The following PLCH1 variants were observed in gnomAD, a reference collection of about 807,000 sequenced individuals.
PLCH1 encodes the protein phospholipase C eta 1.
In PLCH1, 60 loss-of-function variants were observed where a neutral mutation model predicts 126.7. The observed-to-expected ratio is 0.47, with a 90% CI of 0.38 to 0.59. PLCH1 has a LOEUF of 0.59. Ranked by LOEUF, PLCH1 falls within the 20% of genes least tolerant of loss-of-function variation. The probability of loss-of-function intolerance (pLI) is 0.00; values close to 1 mark genes in which losing one functional copy is unlikely to be tolerated. For missense variants in PLCH1, 1,723 were observed against 2,040.0 expected (o/e 0.84, Z 2.99); for synonymous variants, 719 against 734.9 (o/e 0.98, Z 0.35).
intron 2 of PLCH1, among the ~76,000 whole-genome samples, chr3:155,668,248 A>G (rs943335368): frequency 6.6e-6 from 1 of 152,138 alleles, no homozygotes; most frequent in Non-Finnish European, 1.5e-5. Context: ...CAAGCCTGCC[A>G]ATATTTGCTT....
intron 21 of PLCH1, among the ~76,000 whole-genome samples, chr3:155,465,313 C>T (rs1712886519): frequency 6.6e-6 from 1 of 151,896 alleles, no homozygotes; most frequent in African/African-American, 2.4e-5. Context: ...GCAGATGGTA[C>T]CACTCAGAGT....
intron 2 of PLCH1, among the ~76,000 whole-genome samples, chr3:155,632,369 T>C (rs1185665973): frequency 6.6e-6 from 1 of 152,208 alleles, no homozygotes; most frequent in Non-Finnish European, 1.5e-5. Context: ...ATCCAGAATT[T>C]GGAATTATTC....
At position 155,741,684 on chromosome 3, in the gene PLCH1, C is replaced by CTTTTATTTTTTTTTTTTT; in HGVS notation, c.-41+3155_-41+3156insAAAAAAAAAAAAATAAAA. 1.4e-3 allele frequency among the ~76,000 whole-genome samples: 139 copies of CTTTTATTTTTTTTTTTTT among 102,854 alleles called. 1 individual carries two copies. Among genetic ancestry groups the CTTTTATTTTTTTTTTTTT allele is most frequent in the African/African-American group, 5.4e-3 (112 of 20,896 alleles). The allele number at this position is 102,854 out of a possible 152,430, so 67.5% of individuals were successfully genotyped here. On this transcript the variant is annotated intron_variant, in intron 1 of 22. Transcript: ENST00000460012. ...TCCTTTTATCATAATTTTATATCCT[C>CTTTTATTTTTTTTTTTTT]TTTTTTTTTTTTTTTTTTTTGTTCA... is the stretch of plus-strand genomic sequence containing the variant.
chr3:155,484,701 T>A (rs779649882), intron 22 of PLCH1, among the ~76,000 whole-genome samples: 44 of 152,306 alleles, frequency 2.9e-4, no homozygotes, highest in Middle Eastern at 6.8e-3. Context: ...CGGTCTTCAC[T>A]CTTTATTGAG....
intron 2 of PLCH1, among the ~76,000 whole-genome samples, chr3:155,680,817 T>C (rs1577311200): frequency 6.6e-6 from 1 of 152,210 alleles, no homozygotes; most frequent in Admixed American, 6.5e-5. Flanking sequence ...AACTGTCTAA[T>C]TGTCTACCAA....
At chr3:155,468,267 TA>T (rs1274916800) in intron 21 of PLCH1, among the ~76,000 whole-genome samples, 3 of 151,688 alleles carry the variant, frequency 2.0e-5, no homozygotes, top group Admixed American at 6.6e-5. Context: ...CACAAAAAAA[TA>T]AAAAGCAAGA....
rs544376801 is a variant in PLCH1 at position 155,547,915 on chromosome 3, G to A, written c.1362+1872C>T. ...GGGGTGGGGGGAGGGGGGAGGGATA[G>A]CTTTAGGAGATATACCTAATGCTAA... On this transcript the variant is annotated intron_variant, in intron 10 of 22. Transcript: ENST00000460012. Among the ~76,000 whole-genome samples the A allele has an allele frequency of 3.6e-3, 532 of 148,918 alleles. 4 individuals are homozygous for A. The highest frequency in any genetic ancestry group is 0.012 in the African/African-American group (496 of 40,508).
chr3:155,514,852 A>G lies in PLCH1; in HGVS notation c.1503T>C (p.Ser501=). The G allele has an allele frequency of 2.5e-6, 4 of 1,610,858 alleles. No homozygotes were observed. The highest frequency in any genetic ancestry group is 3.4e-6 in the Non-Finnish European group (4 of 1,178,228). ...SNGTTEHQVE[S]FIRKKLESLL... The stretch of plus-strand genomic sequence containing the variant: ...GTGACTCCAGTTTTTTCCTTATGAA[A>G]GATTCCACCTGATGCTCAGTGGTCC... Residue 501 remains serine (S), a synonymous_variant, in exon 12 of 23, where the codon TCT becomes TCC. Transcript: ENST00000460012.
intron 4 of PLCH1, among the ~76,000 whole-genome samples, chr3:155,587,774 G>A (rs758401908): frequency 3.3e-5 from 5 of 152,184 alleles, no homozygotes; most frequent in Non-Finnish European, 5.9e-5. Flanking sequence ...AGATGAAATG[G>A]TAACACAGGA....
chr3:155,698,014 C>A (rs1745966115), intron 2 of PLCH1, among the ~76,000 whole-genome samples: 1 of 152,144 alleles, frequency 6.6e-6, no homozygotes, highest in Admixed American at 6.5e-5. Context: ...GAACTCCCAC[C>A]CTCAACCACC....
intron 4 of PLCH1, among the ~76,000 whole-genome samples, chr3:155,592,174 TAAAAAAA>T (rs11329108): frequency 6.4e-4 from 83 of 129,308 alleles, no homozygotes; most frequent in Non-Finnish European, 1.1e-3. Context: ...TTTTCTCTTT[TAAAAAAA>T]AAAAAAAAAA....
intron 21 of PLCH1, among the ~76,000 whole-genome samples, chr3:155,454,683 A>G (rs972995437): frequency 6.6e-6 from 1 of 152,200 alleles, no homozygotes; most frequent in South Asian, 2.1e-4. Flanking sequence ...AAAGAGTCCT[A>G]GTGTTCAGGT....
At chr3:155,697,025 C>T (rs1258487274) in intron 2 of PLCH1, among the ~76,000 whole-genome samples, 2 of 152,144 alleles carry the variant, frequency 1.3e-5, no homozygotes, top group Non-Finnish European at 2.9e-5. Context: ...CTTTTCATCC[C>T]CTCCATCGTT....
In PLCH1 at chr3:155,533,616, A is replaced by T. The variant is rs141604027; in HGVS notation, c.1363-9612T>A. ...ATTCAAGCTAGCTGCAGAAATTTGC[A>T]TAAGTAAAATGGAGCTGAATGTTAG... On this transcript the variant is annotated intron_variant, in intron 10 of 22. Transcript: ENST00000460012. Among the ~76,000 whole-genome samples, 6 of 152,368 alleles carry T rather than the reference A, an allele frequency of 3.9e-5. No homozygotes were observed. In the East Asian group the frequency reaches 1.2e-3, roughly 29 times the overall value.
intron 2 of PLCH1, among the ~76,000 whole-genome samples, chr3:155,618,494 G>A (rs1166122503): frequency 6.6e-6 from 1 of 152,114 alleles, no homozygotes; most frequent in Non-Finnish European, 1.5e-5. Context: ...AAAGAATGGA[G>A]CTCTCCATTC....
Position 155,583,421 on chromosome 3 carries a change from T to C in PLCH1, c.771+51A>G, listed in dbSNP as rs371326463. The C allele has an allele frequency of 3.6e-6, 5 of 1,404,320 alleles. No homozygotes were observed. The African/African-American group carries it at 5.9e-5, about 17-fold the overall frequency. The allele number at this position is 1,404,320 out of a possible 1,614,324, so 87.0% of individuals were successfully genotyped here. A position where few individuals can be genotyped will look rare whatever the true frequency, so the allele number is the denominator to read the frequency against. On this transcript the variant is annotated intron_variant, in intron 6 of 22. Coordinates refer to ENST00000460012, the MANE Select transcript of PLCH1 (RefSeq NM_014996.4). ...TATTTAACCCCAAAAGAAAGACATA[T>C]CTTTCATGAGTACTTTTAAGTAAAC...
chr3:155,566,291 G>A (rs552481832), intron 7 of PLCH1, among the ~76,000 whole-genome samples: 371 of 23,166 alleles, frequency 0.016, 73 homozygotes, highest in African/African-American at 0.034. Flanking sequence ...ATATATATAC[G>A]TATATATACA....
At chr3:155,698,712 G>A (rs922813693) in intron 2 of PLCH1, among the ~76,000 whole-genome samples, 4 of 152,192 alleles carry the variant, frequency 2.6e-5, no homozygotes, top group Non-Finnish European at 5.9e-5. Context: ...AACTCAGCCA[G>A]TGGGAACCCC....
chr3:155,595,034 A>C (rs1035317251), intron 3 of PLCH1, among the ~76,000 whole-genome samples: 1 of 152,198 alleles, frequency 6.6e-6, no homozygotes, highest in African/African-American at 2.4e-5. Flanking sequence ...AGAAGTGGAG[A>C]GGAACAAGCT....
Sources: allele counts gnomAD v4.1 joint callset (sites outside exome capture counted in the v4.1 genomes callset), GRCh38; gene constraint gnomAD v4.1.1; transcripts MANE v1.5; gene names NCBI Gene and HGNC (gene_info 2026-07-23, HGNC 2026-07-21).